Variants in PDE11A observed in about 807,000 individuals in gnomAD.
PDE11A encodes phosphodiesterase 11A.
In PDE11A, 100 loss-of-function variants were observed where a neutral mutation model predicts 100.5. That is an observed-to-expected ratio of 1.00 (90% CI 0.85 to 1.18). The LOEUF is 1.18. Among genes scored for constraint, PDE11A ranks in the 50% most tolerant of loss-of-function variants. The pLI is 0.00. For synonymous variants in PDE11A, 381 were observed against 420.8 expected (o/e 0.91, Z 1.16); for missense variants, 1,141 against 1,152.6 (o/e 0.99, Z 0.15).
chr2:177,646,580 T>C (rs921346329), intron 19 of PDE11A, among the ~76,000 whole-genome samples: 1 of 152,200 alleles, frequency 6.6e-6, no homozygotes, highest in Non-Finnish European at 1.5e-5. Flanking sequence ...CTTGGCTGAG[T>C]ACCAGGCTCA....
At chr2:177,920,061 T>C (rs992087830) in intron 2 of PDE11A, among the ~76,000 whole-genome samples, 6 of 152,076 alleles carry the variant, frequency 3.9e-5, no homozygotes, top group African/African-American at 1.4e-4. Context: ...GAAAATCCTT[T>C]TTGAAAAAGC....
chr2:177,808,375 T>C (rs1295523805), intron 9 of PDE11A, among the ~76,000 whole-genome samples: 1 of 152,156 alleles, frequency 6.6e-6, no homozygotes, highest in Non-Finnish European at 1.5e-5. Context: ...GAAAAAATTA[T>C]TTTGGTAGAT....
At chr2:177,995,299 A>C (rs955354346) in intron 2 of PDE11A, among the ~76,000 whole-genome samples, 1 of 152,012 alleles carries the variant, frequency 6.6e-6, no homozygotes, top group Admixed American at 6.6e-5. Context: ...ATGTTTAGAG[A>C]TTATTGCCAC....
At chr2:177,882,354 G>A (rs949076971) in intron 4 of PDE11A, among the ~76,000 whole-genome samples, 11 of 152,196 alleles carry the variant, frequency 7.2e-5, no homozygotes, top group East Asian at 1.9e-4. Flanking sequence ...ATAATTTAAC[G>A]GGATATATAG....
chr2:178,072,482 T>C lies in PDE11A; in HGVS notation c.-45A>G. 1 of 1,610,216 alleles carries C rather than the reference T, an allele frequency of 6.2e-7. No homozygotes were observed. The highest frequency in any genetic ancestry group is 1.1e-5 in the South Asian group (1 of 90,966). On this transcript the variant is annotated 5_prime_UTR_variant, in exon 1 of 20. Transcript: ENST00000286063. Reference sequence around the variant, plus strand: ...TGCCTGTTTACACGTGAACCAAATGTTTTCCTGCCCCGAGGCCTCTAGCTG... The same window carrying C: ...TGCCTGTTTACACGTGAACCAAATGCTTTCCTGCCCCGAGGCCTCTAGCTG...
At chr2:177,902,103 G>A (rs2084706286) in intron 3 of PDE11A, among the ~76,000 whole-genome samples, 1 of 152,198 alleles carries the variant, frequency 6.6e-6, no homozygotes, top group Admixed American at 6.5e-5. Context: ...GATATCCCCT[G>A]TGACTTGCAA....
At chr2:177,939,361 G>A (rs1402894415) in intron 2 of PDE11A, among the ~76,000 whole-genome samples, 1 of 149,464 alleles carries the variant, frequency 6.7e-6, no homozygotes, top group Non-Finnish European at 1.5e-5. Flanking sequence ...CGGAAGGAGG[G>A]AGAGAGTGAG....
chr2:177,928,208 T>A (rs1041387069), intron 2 of PDE11A, among the ~76,000 whole-genome samples: 3 of 151,760 alleles, frequency 2.0e-5, no homozygotes, highest in Non-Finnish European at 4.4e-5. Context: ...CTTGACAGAA[T>A]GTAAAGATTT....
chr2:177,905,615 T>C lies in PDE11A; in HGVS notation c.1072-428A>G, dbSNP rs557098538. ...TCAATTCTTTCGTTGGCATATGGCATATACCATATGTATATGGCATACAAT... is the reference window on the plus strand; with the variant it reads ...TCAATTCTTTCGTTGGCATATGGCACATACCATATGTATATGGCATACAAT... On this transcript the variant is annotated intron_variant, in intron 2 of 19. Coordinates refer to ENST00000286063, the MANE Select transcript of PDE11A (RefSeq NM_016953.4). Among the ~76,000 whole-genome samples the C allele has an allele frequency of 3.2e-4, 49 of 152,358 alleles. No individual in the cohort carries two copies. The South Asian group carries it at 1.0e-2, about 31-fold the overall frequency.
Position 177,697,359 on chromosome 2 carries a change from A to G in PDE11A, c.2318T>C (p.Leu773Ser), listed in dbSNP as rs1325644388. 1.3e-6 allele frequency: 2 copies of G among 1,591,700 alleles called. No individual in the cohort carries two copies. Among genetic ancestry groups the G allele is most frequent in the African/African-American group, 1.3e-5 (1 of 74,568 alleles). The change falls in exon 15 of 20, where the codon TTG (leucine) becomes TCG (serine). Residue 773 changes from leucine (L) to serine (S), a missense_variant. Coordinates refer to ENST00000286063, the MANE Select transcript of PDE11A (RefSeq NM_016953.4). ...DLMQLLKQSI[L>S]ATDLTLYFER... ...AAAGTACAGCGTGAGGTCTGTTGCC[A>G]ATATTGACTGCTTCAAAAGCTGCAT...
intron 12 of PDE11A, among the ~76,000 whole-genome samples, chr2:177,723,959 C>A (rs1254179702): frequency 1.3e-5 from 2 of 152,014 alleles, no homozygotes; most frequent in African/African-American, 4.8e-5. Context: ...CATCTTTTAT[C>A]ATGTATTTAT....
At chr2:177,780,621 G>A (rs1019997705) in intron 9 of PDE11A, among the ~76,000 whole-genome samples, 8 of 152,186 alleles carry the variant, frequency 5.3e-5, no homozygotes, top group Admixed American at 3.3e-4. Context: ...CTTTATCAAT[G>A]ATCTTAGCTA....
intron 9 of PDE11A, among the ~76,000 whole-genome samples, chr2:177,792,979 T>C (rs1574147972): frequency 6.6e-6 from 1 of 152,038 alleles, no homozygotes; most frequent in South Asian, 2.1e-4. Flanking sequence ...GGGAAGTTGG[T>C]TAGGGATGAC....
intron 9 of PDE11A, among the ~76,000 whole-genome samples, chr2:177,781,749 G>A (rs938651015): frequency 3.3e-5 from 5 of 152,078 alleles, no homozygotes; most frequent in South Asian, 2.1e-4. Flanking sequence ...TGATCTGCCC[G>A]CCTCTGCCTC....
At chr2:177,871,022 G>A (rs533536942) in intron 5 of PDE11A, among the ~76,000 whole-genome samples, 1 of 152,252 alleles carries the variant, frequency 6.6e-6, no homozygotes, top group South Asian at 2.1e-4. Context: ...CTAAAGGACA[G>A]GAGCCATCAA....
chr2:178,014,460 C>A lies in PDE11A; in HGVS notation c.913G>T (p.Asp305Tyr). The change falls in exon 2 of 20, where the codon GAT becomes TAT. Residue 305 changes from aspartate (D) to tyrosine (Y), a missense_variant and splice_region_variant. By Grantham distance (160) the Asp-to-Tyr change is radical. Coordinates refer to ENST00000286063, the MANE Select transcript of PDE11A (RefSeq NM_016953.4). The stretch of plus-strand genomic sequence containing the variant: ...TCGATTTCATCATTGAATCGTCGAT[C>A]CTAAAAATAAGACAAAGAAAGCATT... ...ETVNIPDAYQ[D>Y]RRFNDEIDKL... 1.9e-6 allele frequency: 3 copies of A among 1,611,972 alleles called. No homozygotes were observed. Among genetic ancestry groups the A allele is most frequent in the Non-Finnish European group, 2.5e-6 (3 of 1,178,402 alleles).
At chr2:177,995,106 C>T (rs1057124883) in intron 2 of PDE11A, among the ~76,000 whole-genome samples, 3 of 152,182 alleles carry the variant, frequency 2.0e-5, no homozygotes, top group African/African-American at 7.2e-5. Flanking sequence ...AAAAATTATA[C>T]TTAATGTTCA....
chr2:178,044,628 C>A (rs1303957376), intron 1 of PDE11A, among the ~76,000 whole-genome samples: 1 of 151,942 alleles, frequency 6.6e-6, no homozygotes, highest in Non-Finnish European at 1.5e-5. Flanking sequence ...CCTGCCCAGC[C>A]CCCAAACTGA....
chr2:178,065,546 A>C (rs948723434), intron 1 of PDE11A, among the ~76,000 whole-genome samples: 14 of 152,218 alleles, frequency 9.2e-5, no homozygotes, highest in African/African-American at 2.7e-4. Flanking sequence ...TATCACGATC[A>C]TGTGTCTGTC....
Sources: allele counts gnomAD v4.1 joint callset (sites outside exome capture counted in the v4.1 genomes callset), GRCh38; gene constraint gnomAD v4.1.1; transcripts MANE v1.5; gene names NCBI Gene and HGNC (gene_info 2026-07-23, HGNC 2026-07-21).